MSRA: variants seen among roughly 807,000 people sequenced by gnomAD.
MSRA encodes mitochondrial peptide methionine sulfoxide reductase.
Under a neutral mutation model 31.3 loss-of-function variants are expected in MSRA, and 54 were observed. The observed-to-expected ratio is 1.73, with a 90% CI of 1.39 to 2.17. MSRA has a LOEUF of 2.17. MSRA is among the 30% of genes most tolerant of loss of function. The pLI, the probability that MSRA is intolerant of heterozygous loss-of-function variation, is 0.00. For missense variants in MSRA, 507 were observed against 300.9 expected, an observed-to-expected ratio of 1.69 and a Z score of -5.07; for synonymous variants, 169 against 116.5, an observed-to-expected ratio of 1.45 and a Z score of -2.90.
chr8:10,235,044 T>C (rs551508529), intron 2 of MSRA, among the ~76,000 whole-genome samples: 2 of 152,242 alleles, frequency 1.3e-5, no homozygotes, highest in Admixed American at 6.5e-5. Flanking sequence ...ATATAGATGA[T>C]TTACATAACA....
chr8:10,386,956 G>C (rs559621348), intron 5 of MSRA, among the ~76,000 whole-genome samples: 1 of 152,090 alleles, frequency 6.6e-6, no homozygotes, highest in East Asian at 1.9e-4. Flanking sequence ...ACTGCAGCTG[G>C]TGGAGCAGTG....
At chr8:10,277,578 G>C (rs192901186) in intron 3 of MSRA, among the ~76,000 whole-genome samples, 1 of 152,274 alleles carries the variant, frequency 6.6e-6, no homozygotes, top group East Asian at 1.9e-4. Context: ...TCTCTGTATG[G>C]AGTAGGTAGT....
chr8:10,285,487 T>G (rs1026601821), intron 3 of MSRA, among the ~76,000 whole-genome samples: 1 of 152,196 alleles, frequency 6.6e-6, no homozygotes, highest in Non-Finnish European at 1.5e-5. Flanking sequence ...ATCATTTCTT[T>G]GTGTTGGGAA....
At chr8:10,423,520 G>A (rs1224826243) in intron 5 of MSRA, among the ~76,000 whole-genome samples, 30 of 152,102 alleles carry the variant, frequency 2.0e-4, no homozygotes, top group Non-Finnish European at 1.0e-4. Flanking sequence ...GCGGGGAGGG[G>A]GGGTGGCAGC....
At chr8:10,199,443 C>CT (rs575912365) in intron 1 of MSRA, among the ~76,000 whole-genome samples, 18 of 152,330 alleles carry the variant, frequency 1.2e-4, no homozygotes, top group Non-Finnish European at 1.2e-4. Context: ...CCTCAGCCTC[C>CT]TGAGTAGCTG....
At chr8:10,278,199 G>A (rs1799426455) in intron 3 of MSRA, among the ~76,000 whole-genome samples, 1 of 152,102 alleles carries the variant, frequency 6.6e-6, no homozygotes, top group African/African-American at 2.4e-5. Flanking sequence ...GCAGGGGTGG[G>A]GTTGCCACTT....
chr8:10,383,598 A>C (rs1019712351), intron 5 of MSRA, among the ~76,000 whole-genome samples: 1 of 151,980 alleles, frequency 6.6e-6, no homozygotes, highest in African/African-American at 2.4e-5. Flanking sequence ...ATTTGTAAAA[A>C]TGTTTTGGAA....
At chr8:10,373,080 G>A (rs1396203025) in intron 5 of MSRA, among the ~76,000 whole-genome samples, 2 of 152,140 alleles carry the variant, frequency 1.3e-5, no homozygotes, top group African/African-American at 2.4e-5. Context: ...TAGTAGAGAC[G>A]AGGTTTTGCC....
At chr8:10,376,505 A>G (rs535925707) in intron 5 of MSRA, among the ~76,000 whole-genome samples, 2 of 152,234 alleles carry the variant, frequency 1.3e-5, no homozygotes, top group East Asian at 1.9e-4. Flanking sequence ...CAGTTTCCCA[A>G]TCTCTACAAT....
At chr8:10,272,472 G>T (rs758783881) in intron 3 of MSRA, among the ~76,000 whole-genome samples, 1 of 152,238 alleles carries the variant, frequency 6.6e-6, no homozygotes, top group African/African-American at 2.4e-5. Flanking sequence ...TTCTACTCAA[G>T]TGTTTTGTTC....
chr8:10,190,599 C>G (rs1331052350), intron 1 of MSRA, among the ~76,000 whole-genome samples: 1 of 152,202 alleles, frequency 6.6e-6, no homozygotes, highest in Non-Finnish European at 1.5e-5. Context: ...TCCTTGGGCA[C>G]TTTCTGTCAG....
chr8:10,167,664 C>T (rs542268699), intron 1 of MSRA, among the ~76,000 whole-genome samples: 1 of 152,126 alleles, frequency 6.6e-6, no homozygotes, highest in South Asian at 2.1e-4. Context: ...CTTTTGCTCC[C>T]CTACATCCTA....
At chr8:10,109,121 G>A (rs1406029733) in intron 1 of MSRA, among the ~76,000 whole-genome samples, 1 of 152,026 alleles carries the variant, frequency 6.6e-6, no homozygotes, top group Non-Finnish European at 1.5e-5. Flanking sequence ...TAAAATTGTT[G>A]AGCATAGCAA....
At chr8:10,322,686 A>T (rs4509385) in intron 5 of MSRA, among the ~76,000 whole-genome samples, 1 of 151,988 alleles carries the variant, frequency 6.6e-6, no homozygotes, top group East Asian at 1.9e-4. Flanking sequence ...GGCCTAGCAC[A>T]TGGTAAATAC....
chr8:10,301,273 C>T (rs2129125318), intron 3 of MSRA, among the ~76,000 whole-genome samples: 1 of 152,268 alleles, frequency 6.6e-6, no homozygotes, highest in South Asian at 2.1e-4. Flanking sequence ...TTTGTTTTTT[C>T]ATGAACTTAA....
chr8:10,345,125 A>T (rs978895235), intron 5 of MSRA, among the ~76,000 whole-genome samples: 2 of 152,084 alleles, frequency 1.3e-5, no homozygotes, highest in East Asian at 1.9e-4. Flanking sequence ...CTGAACCCCA[A>T]TTCCAAGAGC....
intron 1 of MSRA, among the ~76,000 whole-genome samples, chr8:10,186,987 G>C (rs1204098690): frequency 6.6e-6 from 1 of 152,192 alleles, no homozygotes; most frequent in African/African-American, 2.4e-5. Flanking sequence ...AGTGTTGGCA[G>C]AGGGTTGCCT....
At chr8:10,263,823 G>A (rs574826749) in intron 3 of MSRA, among the ~76,000 whole-genome samples, 16 of 152,308 alleles carry the variant, frequency 1.1e-4, no homozygotes, top group South Asian at 8.3e-4. Flanking sequence ...TGTATTTGAA[G>A]TGAATGCTAG....
At chr8:10,302,002 T>C (rs1227631082) in intron 4 of MSRA, among the ~76,000 whole-genome samples, 3 of 152,242 alleles carry the variant, frequency 2.0e-5, no homozygotes. Flanking sequence ...TCCTGATTTA[T>C]GGTTTCTTTA....
Sources: allele counts gnomAD v4.1 joint callset (sites outside exome capture counted in the v4.1 genomes callset), GRCh38; gene constraint gnomAD v4.1.1; transcripts MANE v1.5; gene names NCBI Gene and HGNC (gene_info 2026-07-23, HGNC 2026-07-21).